DNAI4: variants seen among roughly 807,000 people sequenced by gnomAD.
DNAI4 encodes WD repeat domain 78.
In DNAI4, 85 loss-of-function variants were observed where a neutral mutation model predicts 105.8. The observed-to-expected ratio is 0.80, with a 90% CI of 0.67 to 0.96. The LOEUF is 0.96. Ranked by LOEUF, DNAI4 falls within the 40% of genes least tolerant of loss-of-function variation. The pLI is 0.00. For synonymous variants in DNAI4, 352 were observed against 331.5 expected (o/e 1.06, Z -0.67); for missense variants, 1,014 against 1,005.6 (o/e 1.01, Z -0.11).
chr1:66,853,033 C>T (rs927638580), intron 7 of DNAI4, among the ~76,000 whole-genome samples: 6 of 152,184 alleles, frequency 3.9e-5, no homozygotes, highest in African/African-American at 1.4e-4. Flanking sequence ...TAGAAGGGCC[C>T]TGACCAGGAG....
chr1:66,887,714 C>T (rs183792095), intron 4 of DNAI4, among the ~76,000 whole-genome samples: 26 of 152,238 alleles, frequency 1.7e-4, no homozygotes, highest in Admixed American at 3.9e-4. Flanking sequence ...TGGCTCACAC[C>T]TGCAATCCCA....
At chr1:66,893,013 G>A (rs1236791870) in intron 3 of DNAI4, among the ~76,000 whole-genome samples, 1,543 of 106,614 alleles carry the variant, frequency 0.014, 23 homozygotes, top group Non-Finnish European at 0.018. Flanking sequence ...AAGAGAGAGA[G>A]GAAAGAAAGA....
At chr1:66,910,029 G>GT (rs1557982705) in intron 1 of DNAI4, among the ~76,000 whole-genome samples, 1 of 151,896 alleles carries the variant, frequency 6.6e-6, no homozygotes, top group Non-Finnish European at 1.5e-5. Context: ...TATCCTCCAC[G>GT]TAACAACCAC....
rs150494699 is a variant in DNAI4, at chr1:66,847,617, A to T, written c.1158T>A (p.Asp386Glu). The T allele has an allele frequency of 3.1e-6, 5 of 1,613,702 alleles. No individual in the cohort carries two copies. The South Asian group carries it at 5.5e-5, about 18-fold the overall frequency. Residue 386 changes from aspartate (D) to glutamate (E), a missense_variant, in exon 8 of 17, where the codon GAT becomes GAA. By Grantham distance (45) the Asp-to-Glu change is conservative. Coordinates refer to ENST00000371026, the MANE Select transcript of DNAI4 (RefSeq NM_024763.5). ...ATATTGCATCTGAGTGGTCTTCCTCATCTTCATGGATTTTTGCCAGAATTA... is the reference window on the plus strand; with the variant it reads ...ATATTGCATCTGAGTGGTCTTCCTCTTCTTCATGGATTTTTGCCAGAATTA... The part of the protein sequence containing the change: ...ENVILAKIHE[D>E]EEDHSDAILK...
intron 11 of DNAI4, among the ~76,000 whole-genome samples, chr1:66,835,234 AGAT>A (rs1645958108): frequency 6.9e-6 from 1 of 144,062 alleles, no homozygotes; most frequent in Admixed American, 6.9e-5. Flanking sequence ...ATAGATAGAT[AGAT>A]AGATAAGATA....
rs1646841790 is a variant in DNAI4 at position 66,871,365 on chromosome 1, ATTACCT to A, written c.939_940+4del. The A allele has an allele frequency of 6.2e-7, 1 of 1,602,270 alleles. No homozygotes were observed. The highest frequency in any genetic ancestry group is 8.5e-7 in the Non-Finnish European group (1 of 1,174,958). On this transcript the variant is annotated splice_donor_variant and splice_donor_region_variant and coding_sequence_variant and intron_variant, in exon 6 of 17. Transcript: ENST00000371026. LOFTEE classifies it high-confidence loss of function. The stretch of plus-strand genomic sequence containing the variant: ...TAGTTTATCAAGCAGAATGATAGAA[ATTACCT>A]TTATCTTCCATTATGATTTTATCAC...
chr1:66,831,169 G>A (rs1345712698), intron 13 of DNAI4, among the ~76,000 whole-genome samples: 2 of 151,720 alleles, frequency 1.3e-5, no homozygotes, highest in Non-Finnish European at 2.9e-5. Flanking sequence ...ATTAAAATTT[G>A]ATTTTGTAGT....
Position 66,890,992 on chromosome 1 carries a change from TA to T in DNAI4, c.643+161del. On this transcript the variant is annotated intron_variant, in intron 4 of 16. Coordinates refer to ENST00000371026, the MANE Select transcript of DNAI4 (RefSeq NM_024763.5). The surrounding 1 kb of genome is among the most constrained non-coding windows in gnomAD (Gnocchi z 4.1). ...ATTCAAAACAGTCACCCAGGGAACTTAAAAAAATAGATATTCCCCTGGTAAT... is the reference window on the plus strand; with the variant it reads ...ATTCAAAACAGTCACCCAGGGAACTTAAAAAATAGATATTCCCCTGGTAAT... 1.5e-6 allele frequency: 1 copy of T among 645,690 alleles called. No homozygotes were observed. Among genetic ancestry groups the T allele is most frequent in the Non-Finnish European group, 2.7e-6 (1 of 367,704 alleles). The allele number at this position is 645,690 out of a possible 1,614,324, so 40.0% of individuals were successfully genotyped here.
chr1:66,818,112 A>G (rs1645555135), intron 16 of DNAI4, among the ~76,000 whole-genome samples: 1 of 152,078 alleles, frequency 6.6e-6, no homozygotes, highest in South Asian at 2.1e-4. Flanking sequence ...TATTTTAAAT[A>G]TTCATTATAT....
chr1:66,848,857 C>A (rs191581078), intron 7 of DNAI4, among the ~76,000 whole-genome samples: 249 of 152,284 alleles, frequency 1.6e-3, no homozygotes, highest in Middle Eastern at 3.4e-3. Flanking sequence ...CCATTCTACT[C>A]CAGCCAAGCA....
rs185329874 is a variant in DNAI4 at position 66,886,849 on chromosome 1, T to G, written c.643+4305A>C. On this transcript the variant is annotated intron_variant, in intron 4 of 16. Coordinates refer to ENST00000371026, the MANE Select transcript of DNAI4 (RefSeq NM_024763.5). The stretch of plus-strand genomic sequence containing the variant: ...CCTTAAACGCTGTTATCTTTCCTCC[T>G]TAGTTAAGAAATAAAGGCTGGTGCT... Among the ~76,000 whole-genome samples, 17 of 152,322 alleles carry G rather than the reference T, an allele frequency of 1.1e-4. No individual in the cohort carries two copies. The East Asian group carries it at 3.1e-3, about 28-fold the overall frequency.
intron 8 of DNAI4, 57 bp from the exon 9 acceptor site, chr1:66,840,728 A>G: frequency 6.3e-7 from 1 of 1,575,644 alleles, no homozygotes. Context: ...GGACCTGCCA[A>G]AGGCTCCAAA....
chr1:66,903,942 T>C (rs1415506974), intron 2 of DNAI4, among the ~76,000 whole-genome samples: 1 of 151,978 alleles, frequency 6.6e-6, no homozygotes, highest in South Asian at 2.1e-4. Flanking sequence ...GGAGAAAATA[T>C]ACATATATAA....
chr1:66,916,110 A>G (rs1159613545), intron 1 of DNAI4, among the ~76,000 whole-genome samples: 1 of 147,676 alleles, frequency 6.8e-6, no homozygotes, highest in Non-Finnish European at 1.5e-5. Flanking sequence ...AAAGAATCCC[A>G]TATGGTAAAT....
rs1386864690 is a variant in DNAI4 at position 66,893,357 on chromosome 1, T to C, written c.402A>G (p.Pro134=). 8 of 1,604,086 alleles carry C rather than the reference T, an allele frequency of 5.0e-6. No individual in the cohort carries two copies. The highest frequency in any genetic ancestry group is 6.8e-6 in the Non-Finnish European group (8 of 1,175,324). The change falls in exon 3 of 17, where the codon CCA becomes CCG. Residue 134 remains proline (P), a synonymous_variant. Coordinates refer to ENST00000371026, the MANE Select transcript of DNAI4 (RefSeq NM_024763.5). ...VTPRPLYHPD[P]LTGTAKPSKL... Reference sequence around the variant, plus strand: ...TACTTGGTTTTGCTGTACCAGTAAGTGGATCTGGATGGTAAAGAGGTCGGG... The same window carrying C: ...TACTTGGTTTTGCTGTACCAGTAAGCGGATCTGGATGGTAAAGAGGTCGGG...
At chr1:66,875,158 C>T (rs1646934621) in intron 4 of DNAI4, among the ~76,000 whole-genome samples, 1 of 151,924 alleles carries the variant, frequency 6.6e-6, no homozygotes, top group Admixed American at 6.6e-5. Flanking sequence ...CAAGCCTACC[C>T]CAGTCTAATA....
chr1:66,835,797 AT>A lies in DNAI4; in HGVS notation c.1582-21del, dbSNP rs759065720. The A allele has an allele frequency of 1.2e-6, 2 of 1,611,072 alleles. No individual in the cohort carries two copies. The highest frequency in any genetic ancestry group is 1.7e-5 in the Admixed American group (1 of 59,852). ...TGGCCACTAAATTTTAAAAAATTAC[AT>A]TTTCAATTTGTTTTTGTAGACCACA... On this transcript the variant is annotated intron_variant, in intron 10 of 16. Coordinates refer to ENST00000371026, the MANE Select transcript of DNAI4 (RefSeq NM_024763.5).
chr1:66,857,482 T>TA (rs1205015859), intron 7 of DNAI4, among the ~76,000 whole-genome samples: 1 of 149,560 alleles, frequency 6.7e-6, no homozygotes, highest in East Asian at 1.9e-4. Context: ...ACTTAAAGTA[T>TA]AATAAAAAAG....
intron 8 of DNAI4, 64 bp from the exon 9 acceptor site, chr1:66,840,735 C>CA: frequency 6.5e-7 from 1 of 1,533,722 alleles, no homozygotes; most frequent in Non-Finnish European, 9.0e-7. Flanking sequence ...CCAAAGGCTC[C>CA]AAACAGCATA....
Sources: allele counts gnomAD v4.1 joint callset (sites outside exome capture counted in the v4.1 genomes callset), GRCh38; gene constraint gnomAD v4.1.1; non-coding constraint Gnocchi (gnomAD v3.1); transcripts MANE v1.5; gene names NCBI Gene and HGNC (gene_info 2026-07-23, HGNC 2026-07-21).